XPO4: variants seen among roughly 807,000 people sequenced by gnomAD.
XPO4 encodes exportin-4.
In XPO4, 39 loss-of-function variants were observed where a neutral mutation model predicts 143.0. That is an observed-to-expected ratio of 0.27 (90% CI 0.21 to 0.36). The LOEUF is 0.36. XPO4 is among the 10% of genes least tolerant of loss of function. The pLI, the probability that XPO4 is intolerant of heterozygous loss-of-function variation, is 1.00. For synonymous variants in XPO4, 439 were observed against 474.0 expected, an observed-to-expected ratio of 0.93 and a Z score of 0.96; for missense variants, 907 against 1,348.0, an observed-to-expected ratio of 0.67 and a Z score of 5.12.
intron 6 of XPO4, among the ~76,000 whole-genome samples, chr13:20,827,909 A>C (rs980839655): frequency 1.3e-5 from 2 of 152,220 alleles, no homozygotes; most frequent in African/African-American, 4.8e-5. Flanking sequence ...AATACGATTC[A>C]TTGATACTGC....
intron 4 of XPO4, chr13:20,849,182 A>G: frequency 2.0e-6 from 2 of 985,416 alleles, no homozygotes; most frequent in Non-Finnish European, 2.4e-6. Flanking sequence ...CAGGAGCTTT[A>G]TTACCAAGAA....
At chr13:20,893,778 AAAAG>A (rs1182625357) in intron 1 of XPO4, among the ~76,000 whole-genome samples, 1 of 151,950 alleles carries the variant, frequency 6.6e-6, no homozygotes, top group Non-Finnish European at 1.5e-5. Flanking sequence ...AAAAAAAAAA[AAAAG>A]AAAGAAACAT....
intron 6 of XPO4, among the ~76,000 whole-genome samples, chr13:20,827,415 T>C (rs1382765098): frequency 6.6e-6 from 1 of 152,214 alleles, no homozygotes; most frequent in African/African-American, 2.4e-5. Flanking sequence ...TTATGTGTCA[T>C]GCTGTAGGCA....
chr13:20,900,877 G>A (rs1014687149), intron 1 of XPO4, among the ~76,000 whole-genome samples: 1 of 152,144 alleles, frequency 6.6e-6, no homozygotes, highest in Non-Finnish European at 1.5e-5. Context: ...CTCCCAAAGT[G>A]CTGGGATTAC....
chr13:20,843,849 C>T lies in XPO4; in HGVS notation c.494G>A (p.Ser165Asn). 1 of 1,613,290 alleles carries T rather than the reference C, an allele frequency of 6.2e-7. No individual in the cohort carries two copies. Among genetic ancestry groups the T allele is most frequent in the East Asian group, 2.2e-5 (1 of 44,778 alleles). Reference sequence around the variant, plus strand: ...AGTTTTACTTGAACTTGAAAATTCACTCAATAGCGCAGTCAGAATAGAACA... The same window carrying T: ...AGTTTTACTTGAACTTGAAAATTCATTCAATAGCGCAGTCAGAATAGAACA... ...LACSILTALL[S>N]EFSSSSKTSN... Residue 165 changes from serine to asparagine, a missense_variant, in exon 5 of 23, where the codon AGT (serine) becomes AAT (asparagine). Coordinates refer to ENST00000255305, the MANE Select transcript of XPO4 (RefSeq NM_022459.5).
intron 1 of XPO4, among the ~76,000 whole-genome samples, chr13:20,884,224 T>C (rs980370465): frequency 5.9e-5 from 9 of 152,010 alleles, no homozygotes; most frequent in Non-Finnish European, 1.3e-4. Flanking sequence ...GTCTCTCAAA[T>C]AAATAAATAG....
intron 7 of XPO4, among the ~76,000 whole-genome samples, chr13:20,826,106 C>T (rs2059781318): frequency 6.6e-6 from 1 of 152,180 alleles, no homozygotes; most frequent in Admixed American, 6.5e-5. Flanking sequence ...ATCTAATTAA[C>T]TTGTATATTC....
intron 1 of XPO4, among the ~76,000 whole-genome samples, chr13:20,874,039 A>C (rs568727308): frequency 1.5e-4 from 23 of 152,344 alleles, no homozygotes; most frequent in African/African-American, 5.3e-4. Flanking sequence ...AAAGTTAGTA[A>C]GTATCATAAC....
chr13:20,832,718 C>T (rs376532212), intron 6 of XPO4, among the ~76,000 whole-genome samples: 2 of 152,244 alleles, frequency 1.3e-5, no homozygotes, highest in African/African-American at 2.4e-5. Context: ...ACAGAACCAA[C>T]AACCCCAGTC....
intron 1 of XPO4, among the ~76,000 whole-genome samples, chr13:20,882,109 C>CAAAAAAAAAAAAAAAAAAAAAA (rs35404161): frequency 1.2e-4 from 11 of 93,336 alleles, no homozygotes; most frequent in African/African-American, 3.8e-4. Context: ...GACTCGGTCT[C>CAAAAAAAAAAAAAAAAAAAAAA]AAAAAAAAAA....
chr13:20,862,909 C>A (rs982831638), intron 2 of XPO4, 51 bp from the exon 3 acceptor site: 10 of 1,598,942 alleles, frequency 6.3e-6, no homozygotes, highest in Admixed American at 5.3e-5. Flanking sequence ...TTTTACCTTG[C>A]ACATTTTGCA....
At chr13:20,807,866 G>A (rs1408886696) in intron 12 of XPO4, among the ~76,000 whole-genome samples, 3 of 151,978 alleles carry the variant, frequency 2.0e-5, no homozygotes, top group Non-Finnish European at 4.4e-5. Flanking sequence ...TAATTCATAG[G>A]GGCTTTTTAA....
At chr13:20,902,379 G>C in intron 1 of XPO4, 1 of 985,442 alleles carries the variant, frequency 1.0e-6, no homozygotes, top group South Asian at 4.7e-5. Flanking sequence ...GACCCAGTCT[G>C]TGGGGCAGGG....
intron 16 of XPO4, among the ~76,000 whole-genome samples, chr13:20,797,734 C>T (rs141704083): frequency 1.8e-3 from 269 of 152,308 alleles, no homozygotes; most frequent in African/African-American, 5.7e-3. Context: ...CACACACTGG[C>T]AACTCTTGGC....
chr13:20,844,161 A>G (rs74823118), intron 4 of XPO4, among the ~76,000 whole-genome samples: 1,719 of 152,332 alleles, frequency 0.011, 80 homozygotes, highest in East Asian at 0.1. Context: ...TTCCTACTCA[A>G]TAGTGGAATT....
In XPO4 at chr13:20,880,826, C is replaced by G. The variant is rs560908833; in HGVS notation, c.70-12125G>C. 1.7e-4 allele frequency among the ~76,000 whole-genome samples: 26 copies of G among 152,046 alleles called. 1 individual carries two copies. In the South Asian group the frequency reaches 5.4e-3, roughly 32 times the overall value. ...TACAAAAGTTAGCCAGGCCTGGTGG[C>G]TTGCACCTGTAGTCCCACCTACTGG... On this transcript the variant is annotated intron_variant, in intron 1 of 22. Coordinates refer to ENST00000255305, the MANE Select transcript of XPO4 (RefSeq NM_022459.5).
chr13:20,899,994 C>T (rs1339707677), intron 1 of XPO4, among the ~76,000 whole-genome samples: 2 of 152,178 alleles, frequency 1.3e-5, no homozygotes, highest in Non-Finnish European at 2.9e-5. Flanking sequence ...AGACTGGTAA[C>T]AGACAAACCA....
chr13:20,868,803 G>C (rs949433426), intron 1 of XPO4, 102 bp from the exon 2 acceptor site: 23 of 1,023,752 alleles, frequency 2.2e-5, no homozygotes, highest in Non-Finnish European at 3.0e-5. Flanking sequence ...TCACTTTTGG[G>C]GGGCAAGAGG....
chr13:20,864,095 G>GA (rs1156231039), intron 2 of XPO4, among the ~76,000 whole-genome samples: 1 of 151,606 alleles, frequency 6.6e-6, no homozygotes, highest in Non-Finnish European at 1.5e-5. Context: ...ATCTTAACAT[G>GA]AACTCTAATT....
Sources: gnomAD v4.1 joint callset for allele counts (sites outside exome capture counted in the v4.1 genomes callset) on GRCh38, gnomAD v4.1.1 for gene constraint, MANE v1.5 for transcripts, NCBI Gene and HGNC (gene_info 2026-07-23, HGNC 2026-07-21) for gene names.